LUZP2: variants seen among roughly 807,000 people sequenced by gnomAD.
LUZP2 encodes the protein leucine zipper protein 2.
A neutral mutation model predicts 51.6 loss-of-function variants in LUZP2; 52 were observed. The observed-to-expected ratio is 1.01, with a 90% CI of 0.81 to 1.27. The LOEUF (loss-of-function observed/expected upper bound fraction) is 1.27. Ranked by LOEUF, LUZP2 falls within the 50% of genes most tolerant of loss-of-function variation. The probability of loss-of-function intolerance (pLI) is 0.00; values close to 1 mark genes in which losing one functional copy is unlikely to be tolerated. For missense variants in LUZP2, 436 were observed against 395.4 expected (o/e 1.10, Z -0.87); for synonymous variants, 154 against 137.3 (o/e 1.12, Z -0.85).
intron 5 of LUZP2, among the ~76,000 whole-genome samples, chr11:24,877,897 G>A (rs973524016): frequency 1.3e-5 from 2 of 152,006 alleles, no homozygotes; most frequent in South Asian, 4.1e-4. Context: ...ACTTAATATA[G>A]TGACTTCCGG....
chr11:24,695,922 G>C (rs112594701), intron 1 of LUZP2, among the ~76,000 whole-genome samples: 17 of 152,088 alleles, frequency 1.1e-4, no homozygotes, highest in African/African-American at 3.4e-4. Context: ...GAAAGAATGG[G>C]AAAATAAGGC....
rs529964139 is a variant in LUZP2, at chr11:24,958,171, G to C, written c.523-18420G>C. 9.8e-4 allele frequency among the ~76,000 whole-genome samples: 149 copies of C among 152,240 alleles called. 1 individual carries two copies. Among genetic ancestry groups the C allele is most frequent in the South Asian group, 4.6e-3 (22 of 4,818 alleles). ...CTATCATTGTTGGACATTTGGGTTG[G>C]TTCCAAGTCTTTGCTATTGTGAATA... On this transcript the variant is annotated intron_variant, in intron 7 of 11. Coordinates refer to ENST00000336930, the MANE Select transcript of LUZP2 (RefSeq NM_001009909.4).
intron 10 of LUZP2, among the ~76,000 whole-genome samples, chr11:25,051,234 G>A (rs563476003): frequency 6.6e-6 from 1 of 152,058 alleles, no homozygotes; most frequent in African/African-American, 2.4e-5. Context: ...GGAGAATGGC[G>A]TGAACCCGGG....
At chr11:24,724,950 G>C (rs1434822633) in intron 1 of LUZP2, among the ~76,000 whole-genome samples, 2 of 152,068 alleles carry the variant, frequency 1.3e-5, no homozygotes, top group Non-Finnish European at 2.9e-5. Flanking sequence ...TAAATGTAAA[G>C]AATTTCCGTA....
In LUZP2 at chr11:25,039,604, T is replaced by C. The variant is rs115327680; in HGVS notation, c.766-10434T>C. The stretch of plus-strand genomic sequence containing the variant: ...CAAATCCATGTGTGCTGCAGCTCCA[T>C]CTCTGTCTAATACCTGGGGAGATCC... On this transcript the variant is annotated intron_variant, in intron 9 of 11. Transcript: ENST00000336930. Among the ~76,000 whole-genome samples the C allele has an allele frequency of 5.4e-3, 818 of 152,246 alleles. 5 individuals are homozygous for C. The highest frequency in any genetic ancestry group is 0.019 in the African/African-American group (788 of 41,556).
chr11:24,615,845 A>T (rs1854266589), intron 1 of LUZP2, among the ~76,000 whole-genome samples: 1 of 150,872 alleles, frequency 6.6e-6, no homozygotes, highest in Non-Finnish European at 1.5e-5. Flanking sequence ...TTATATATAT[A>T]ATATTTCAGT....
intron 5 of LUZP2, among the ~76,000 whole-genome samples, chr11:24,773,933 A>G (rs1250157662): frequency 6.6e-6 from 1 of 152,060 alleles, no homozygotes; most frequent in Non-Finnish European, 1.5e-5. Flanking sequence ...TTTTTCTGTC[A>G]GTGGGCAGCC....
At chr11:24,640,204 C>T (rs1232951110) in intron 1 of LUZP2, among the ~76,000 whole-genome samples, 3 of 151,752 alleles carry the variant, frequency 2.0e-5, no homozygotes, top group Non-Finnish European at 2.9e-5. Flanking sequence ...TGGTGTTTTT[C>T]GAAAGTAAAT....
intron 1 of LUZP2, among the ~76,000 whole-genome samples, chr11:24,522,454 C>T (rs1850671513): frequency 6.6e-6 from 1 of 151,968 alleles, no homozygotes; most frequent in Non-Finnish European, 1.5e-5. Flanking sequence ...TAAGTGCATC[C>T]GTAAGCAAGT....
intron 9 of LUZP2, among the ~76,000 whole-genome samples, chr11:25,005,004 T>C (rs1856794127): frequency 6.6e-6 from 1 of 152,216 alleles, no homozygotes; most frequent in African/African-American, 2.4e-5. Flanking sequence ...CTCTAGACTC[T>C]GTAGGACATC....
At chr11:24,632,476 T>C (rs1221333958) in intron 1 of LUZP2, among the ~76,000 whole-genome samples, 3 of 152,026 alleles carry the variant, frequency 2.0e-5, no homozygotes, top group Non-Finnish European at 2.9e-5. Flanking sequence ...ATCAGTGCAC[T>C]GCAAGAAGTG....
intron 7 of LUZP2, among the ~76,000 whole-genome samples, chr11:24,941,657 T>C (rs1854749894): frequency 6.6e-6 from 1 of 152,288 alleles, no homozygotes; most frequent in East Asian, 1.9e-4. Flanking sequence ...ATTTGTACTC[T>C]TATGTTTTCA....
At chr11:24,827,105 A>G (rs1850566888) in intron 5 of LUZP2, among the ~76,000 whole-genome samples, 1 of 152,148 alleles carries the variant, frequency 6.6e-6, no homozygotes, top group African/African-American at 2.4e-5. Flanking sequence ...GGGTTTTGTT[A>G]CTTTCTAAAA....
At chr11:24,880,999 G>T (rs1389685316) in intron 5 of LUZP2, among the ~76,000 whole-genome samples, 2 of 152,140 alleles carry the variant, frequency 1.3e-5, no homozygotes, top group African/African-American at 2.4e-5. Context: ...AAGAAGACAA[G>T]AATTCAATTT....
chr11:24,879,330 T>G (rs956276946), intron 5 of LUZP2, among the ~76,000 whole-genome samples: 1 of 152,204 alleles, frequency 6.6e-6, no homozygotes, highest in Admixed American at 6.6e-5. Flanking sequence ...GATTGGCATT[T>G]TAGTTGGTTC....
At chr11:24,705,539 A>G (rs1857552008) in intron 1 of LUZP2, among the ~76,000 whole-genome samples, 2 of 152,332 alleles carry the variant, frequency 1.3e-5, no homozygotes, top group South Asian at 4.1e-4. Flanking sequence ...TAATAAAGGA[A>G]GCAGCTGTGC....
intron 2 of LUZP2, among the ~76,000 whole-genome samples, chr11:24,731,529 A>G (rs1858713212): frequency 6.6e-6 from 1 of 151,766 alleles, no homozygotes; most frequent in African/African-American, 2.4e-5. Context: ...AATTTGCCAG[A>G]GTATATAAAC....
Position 25,050,021 on chromosome 11 carries a change from T to C in LUZP2, c.766-17T>C, listed in dbSNP as rs774483967. ...TTAGTGATTTCTTTCTTTCTATCTC[T>C]CTTCGTCTCTTTTAAGCCTCAACAA... is the stretch of plus-strand genomic sequence containing the variant. On this transcript the variant is annotated splice_polypyrimidine_tract_variant and intron_variant, in intron 9 of 11. Coordinates refer to ENST00000336930, the MANE Select transcript of LUZP2 (RefSeq NM_001009909.4). 2 of 1,503,216 alleles carry C rather than the reference T, an allele frequency of 1.3e-6. No homozygotes were observed. The allele number at this position is 1,503,216 out of a possible 1,614,324, so 93.1% of individuals were successfully genotyped here.
chr11:24,932,976 T>A lies in LUZP2; in HGVS notation c.522+18438T>A, dbSNP rs533058399. Among the ~76,000 whole-genome samples the A allele has an allele frequency of 9.2e-5, 14 of 152,288 alleles. No individual in the cohort carries two copies. In the South Asian group the frequency reaches 2.9e-3, roughly 32 times the overall value. The stretch of plus-strand genomic sequence containing the variant: ...AGAAATGGCTTCCCTGGGGACTGAA[T>A]GTGCCCACAGGGCTCTTCCTGCTGC... On this transcript the variant is annotated intron_variant, in intron 7 of 11. Coordinates refer to ENST00000336930, the MANE Select transcript of LUZP2 (RefSeq NM_001009909.4).
Sources: allele counts gnomAD v4.1 joint callset (sites outside exome capture counted in the v4.1 genomes callset), GRCh38; gene constraint gnomAD v4.1.1; transcripts MANE v1.5; gene names NCBI Gene and HGNC (gene_info 2026-07-23, HGNC 2026-07-21).